DMC1: variants seen among roughly 807,000 people sequenced by gnomAD.
DMC1 encodes the protein meiotic recombination protein DMC1 homolog.
DMC1 carries 27 observed loss-of-function variants against 50.1 expected under a neutral mutation model. The observed-to-expected ratio is 0.54, with a 90% confidence interval of 0.40 to 0.74. DMC1 has a LOEUF of 0.74. Ranked by LOEUF, DMC1 falls within the 30% of genes least tolerant of loss-of-function variation. DMC1 has a pLI of 0.00. For synonymous variants in DMC1, 148 were observed against 136.1 expected (o/e 1.09, Z -0.61); for missense variants, 295 against 420.2 (o/e 0.70, Z 2.60).
intron 3 of DMC1, 52 bp from the exon 4 acceptor site, chr22:38,566,788 G>T (rs185288962): frequency 3.2e-6 from 5 of 1,569,184 alleles, no homozygotes; most frequent in South Asian, 2.2e-5. Flanking sequence ...AGCCTGCAAG[G>T]CTCCCATACT....
At chr22:38,518,747 G>A (rs2089993817), downstream of DMC1, among the ~76,000 whole-genome samples, 1 of 152,038 alleles carries the variant, frequency 6.6e-6, no homozygotes. Flanking sequence ...GCCCAGGCTG[G>A]TCTTCAAACT....
At chr22:38,521,581 A>ACACACAC in intron 13 of DMC1, 27 bp downstream of exon 13, 1 of 1,383,082 alleles carries the variant, frequency 7.2e-7, no homozygotes, top group Non-Finnish European at 1.0e-6. Context: ...ACACACACAC[A>ACACACAC]CACACACAAA....
intron 4 of DMC1, among the ~76,000 whole-genome samples, chr22:38,564,867 G>A (rs1194933291): frequency 6.6e-6 from 1 of 152,142 alleles, no homozygotes; most frequent in African/African-American, 2.4e-5. Context: ...AGTGTACTCA[G>A]AAGCTAGAGC....
chr22:38,560,890 CA>C (rs2090520294), intron 5 of DMC1, among the ~76,000 whole-genome samples: 1 of 152,058 alleles, frequency 6.6e-6, no homozygotes, highest in African/African-American at 2.4e-5. Context: ...TACTAAGCAA[CA>C]TATCATTTCA....
At chr22:38,530,012 C>A (rs2090137042) in intron 12 of DMC1, among the ~76,000 whole-genome samples, 1 of 152,144 alleles carries the variant, frequency 6.6e-6, no homozygotes, top group African/African-American at 2.4e-5. Context: ...GTCGCCCAGG[C>A]TGGAGTGCAG....
chr22:38,512,336 G>C, the DMC1 span, among the ~76,000 whole-genome samples: 2 of 152,066 alleles, frequency 1.3e-5, no homozygotes, highest in Admixed American at 6.6e-5. Flanking sequence ...TGCCAACTTA[G>C]GCAATGAGCT....
chr22:38,568,989 G>C (rs977202101), intron 1 of DMC1, among the ~76,000 whole-genome samples: 1 of 151,880 alleles, frequency 6.6e-6, no homozygotes, highest in African/African-American at 2.4e-5. Context: ...TCAGGAGTTC[G>C]AGACCAGCCT....
At chr22:38,521,821 G>T in intron 12 of DMC1, 97 bp from the exon 13 acceptor site, 1 of 872,286 alleles carries the variant, frequency 1.1e-6, no homozygotes, top group Non-Finnish European at 2.0e-6. Flanking sequence ...GATGTCAGGA[G>T]TTGGAATAAG....
chr22:38,533,947 C>G lies in DMC1; in HGVS notation c.836+3645G>C, dbSNP rs144826704. ...GCCATAATATTGCTTATGTAGTTTT[C>G]CTGTCAAAATGCTTAACATTTTAAG... On this transcript the variant is annotated intron_variant, in intron 12 of 13. Transcript: ENST00000216024. Among the ~76,000 whole-genome samples, 600 of 152,230 alleles carry G rather than the reference C, an allele frequency of 3.9e-3. 6 individuals are homozygous for G. Among genetic ancestry groups the G allele is most frequent in the African/African-American group, 0.014 (578 of 41,542 alleles).
downstream of DMC1, among the ~76,000 whole-genome samples, chr22:38,518,453 TAGTG>T (rs989701177): frequency 3.9e-5 from 6 of 152,212 alleles, no homozygotes; most frequent in African/African-American, 9.6e-5. Context: ...TAATAATAAT[TAGTG>T]AGTGAATAAT....
At chr22:38,516,674 A>C (rs1346680681), downstream of DMC1, among the ~76,000 whole-genome samples, 1 of 152,168 alleles carries the variant, frequency 6.6e-6, no homozygotes, top group Non-Finnish European at 1.5e-5. Flanking sequence ...GGGGGTCACC[A>C]CATGCCATGC....
downstream of DMC1, among the ~76,000 whole-genome samples, chr22:38,516,373 A>G (rs1305349248): frequency 2.0e-5 from 3 of 152,058 alleles, no homozygotes; most frequent in African/African-American, 7.2e-5. Context: ...CTTCTTGGTA[A>G]ATTGTCCTTC....
chr22:38,532,513 G>A (rs1048477495), intron 12 of DMC1, among the ~76,000 whole-genome samples: 2 of 151,636 alleles, frequency 1.3e-5, no homozygotes, highest in African/African-American at 4.8e-5. Flanking sequence ...GTAGAGACAG[G>A]GTTTCACCAT....
intron 7 of DMC1, 109 bp from the exon 8 acceptor site, chr22:38,550,106 A>G: frequency 1.3e-6 from 1 of 770,200 alleles, no homozygotes; most frequent in Non-Finnish European, 2.2e-6. Flanking sequence ...ACATTTTGCA[A>G]AGAGTCATGA....
intron 5 of DMC1, 128 bp downstream of exon 5, chr22:38,562,159 C>A (rs2090534185): frequency 3.1e-6 from 2 of 643,130 alleles, no homozygotes; most frequent in Non-Finnish European, 5.4e-6. Flanking sequence ...GAAAAAAAAA[C>A]AAACAAACCC....
In DMC1 at chr22:38,534,168, C is replaced by A. The variant is rs545742542; in HGVS notation, c.836+3424G>T. 2.7e-4 allele frequency among the ~76,000 whole-genome samples: 41 copies of A among 152,228 alleles called. No individual in the cohort carries two copies. The South Asian group carries it at 5.8e-3, about 22-fold the overall frequency. On this transcript the variant is annotated intron_variant, in intron 12 of 13. Transcript: ENST00000216024. ...CTGAATTGAATGCAAAACAAAAAAA[C>A]CCCCAACAACTATAAAGGACATTAT...
intron 12 of DMC1, among the ~76,000 whole-genome samples, chr22:38,530,691 G>A (rs1370278234): frequency 6.6e-6 from 1 of 152,120 alleles, no homozygotes. Flanking sequence ...ACTTGTACAA[G>A]GTCACTATGC....
At chr22:38,517,486 T>C (rs573129907), downstream of DMC1, among the ~76,000 whole-genome samples, 4 of 152,190 alleles carry the variant, frequency 2.6e-5, no homozygotes, top group South Asian at 8.3e-4. Context: ...GGAGAATCGC[T>C]TGAACCCAGG....
chr22:38,555,518 A>G (rs2090460724), intron 5 of DMC1, 109 bp from the exon 6 acceptor site: 1 of 734,106 alleles, frequency 1.4e-6, no homozygotes, highest in African/African-American at 1.8e-5. Flanking sequence ...CTATCTATCT[A>G]TTCTATCATC....
Sources: allele counts gnomAD v4.1 joint callset (sites outside exome capture counted in the v4.1 genomes callset), GRCh38; gene constraint gnomAD v4.1.1; transcripts MANE v1.5; gene names NCBI Gene and HGNC (gene_info 2026-07-23, HGNC 2026-07-21).